The following MAPRE2 variants were observed in gnomAD, a reference collection of about 807,000 sequenced individuals.
MAPRE2 encodes microtubule-associated protein RP/EB family member 2.
In MAPRE2, 13 loss-of-function variants were observed where a neutral mutation model predicts 43.2. The observed-to-expected ratio is 0.30, with a 90% CI of 0.20 to 0.48. MAPRE2 has a LOEUF of 0.48. MAPRE2 is among the 20% of genes least tolerant of loss of function. MAPRE2 has a pLI of 0.99. For missense variants in MAPRE2, 161 were observed against 400.2 expected, an observed-to-expected ratio of 0.40 and a Z score of 5.10; for synonymous variants, 135 against 148.8, an observed-to-expected ratio of 0.91 and a Z score of 0.68.
intron 1 of MAPRE2, among the ~76,000 whole-genome samples, chr18:35,045,593 T>C (rs1219458526): frequency 2.6e-5 from 4 of 152,192 alleles, no homozygotes. Flanking sequence ...TATCGTAATA[T>C]TGTGCATGTG....
intron 4 of MAPRE2, among the ~76,000 whole-genome samples, chr18:35,104,330 T>G (rs888020009): frequency 2.0e-5 from 3 of 152,116 alleles, no homozygotes; most frequent in African/African-American, 7.2e-5. Context: ...GATTCAACCT[T>G]TAACAAATGT....
At chr18:35,135,597 C>T (rs1219932929) in intron 6 of MAPRE2, among the ~76,000 whole-genome samples, 4 of 152,184 alleles carry the variant, frequency 2.6e-5, no homozygotes, top group Non-Finnish European at 5.9e-5. Context: ...GGAAAAGCAA[C>T]GGTTTTGAAA....
chr18:35,005,262 A>G (rs1262318416), intron 1 of MAPRE2, among the ~76,000 whole-genome samples: 1 of 152,226 alleles, frequency 6.6e-6, no homozygotes, highest in Non-Finnish European at 1.5e-5. Context: ...ATTAATCAAT[A>G]TAAGAATTGA....
At chr18:35,093,808 C>T (rs548712998) in intron 2 of MAPRE2, among the ~76,000 whole-genome samples, 1 of 152,148 alleles carries the variant, frequency 6.6e-6, no homozygotes, top group South Asian at 2.1e-4. Flanking sequence ...TCAGTGGGTA[C>T]AAAGTTACAG....
chr18:35,081,396 C>CACAG (rs1907623542), intron 2 of MAPRE2, among the ~76,000 whole-genome samples: 1 of 152,150 alleles, frequency 6.6e-6, no homozygotes, highest in Non-Finnish European at 1.5e-5. Context: ...GAACAATATT[C>CACAG]TGTTAGTATC....
chr18:35,130,157 G>T (rs576005397), intron 5 of MAPRE2, among the ~76,000 whole-genome samples: 71 of 151,970 alleles, frequency 4.7e-4, no homozygotes, highest in Non-Finnish European at 8.1e-4. Context: ...GGCTGGGGGG[G>T]GGTGGCACAT....
At chr18:35,072,387 A>G (rs1350833749) in intron 2 of MAPRE2, among the ~76,000 whole-genome samples, 2 of 152,196 alleles carry the variant, frequency 1.3e-5, no homozygotes, top group Non-Finnish European at 2.9e-5. Flanking sequence ...AAGTGGGTAT[A>G]TGTGCATTTG....
chr18:35,131,501 T>A (rs1161560031), intron 5 of MAPRE2, among the ~76,000 whole-genome samples: 3 of 152,148 alleles, frequency 2.0e-5, no homozygotes, highest in African/African-American at 7.2e-5. Flanking sequence ...GATGGCACCT[T>A]CTCACTGTCT....
chr18:35,033,810 T>C (rs201374199), intron 2 of MAPRE2, among the ~76,000 whole-genome samples: 5,417 of 145,296 alleles, frequency 0.037, 236 homozygotes, highest in East Asian at 0.2. Flanking sequence ...TTACAAGGGA[T>C]GTGAAGGACC....
chr18:34,985,250 T>A (rs1233813225), intron 1 of MAPRE2, among the ~76,000 whole-genome samples: 2 of 53,528 alleles, frequency 3.7e-5, no homozygotes, highest in East Asian at 7.4e-4. Flanking sequence ...TAATATAAAA[T>A]ATATAATATA....
chr18:34,980,182 T>C (rs911172111), intron 1 of MAPRE2, among the ~76,000 whole-genome samples: 10 of 151,862 alleles, frequency 6.6e-5, no homozygotes, highest in African/African-American at 9.7e-5. Flanking sequence ...CACATCATCA[T>C]GCCCAGCTAA....
intron 3 of MAPRE2, among the ~76,000 whole-genome samples, chr18:35,100,069 G>A (rs893743530): frequency 1.3e-5 from 2 of 152,236 alleles, no homozygotes; most frequent in African/African-American, 4.8e-5. Flanking sequence ...AAAGCTGTGA[G>A]CTGTGTGCTT....
At chr18:35,046,983 T>C (rs1481555166) in intron 1 of MAPRE2, among the ~76,000 whole-genome samples, 1 of 152,170 alleles carries the variant, frequency 6.6e-6, no homozygotes, top group South Asian at 2.1e-4. Context: ...TCTGGTTCAT[T>C]ATGAAGCATC....
intron 2 of MAPRE2, among the ~76,000 whole-genome samples, chr18:35,031,881 T>A (rs535824364): frequency 1.4e-4 from 22 of 152,316 alleles, no homozygotes; most frequent in East Asian, 3.9e-4. Context: ...CAATTTTTTT[T>A]AAAATAAAAT....
intron 2 of MAPRE2, among the ~76,000 whole-genome samples, chr18:35,073,763 AT>A (rs1265246745): frequency 6.6e-6 from 1 of 152,196 alleles, no homozygotes; most frequent in Non-Finnish European, 1.5e-5. Flanking sequence ...ATTGCCTCAC[AT>A]TGGTGTTGTG....
intron 1 of MAPRE2, among the ~76,000 whole-genome samples, chr18:34,984,126 A>G (rs2097017794): frequency 6.6e-6 from 1 of 152,216 alleles, no homozygotes; most frequent in African/African-American, 2.4e-5. Flanking sequence ...TTCAAAATTC[A>G]TCTTAAATTA....
chr18:34,980,814 T>C (rs949774781), intron 1 of MAPRE2, among the ~76,000 whole-genome samples: 4 of 152,128 alleles, frequency 2.6e-5, no homozygotes, highest in African/African-American at 9.7e-5. Context: ...ACATATGAAT[T>C]TATTGAGCTA....
chr18:35,064,595 A>G (rs916447059), intron 1 of MAPRE2, among the ~76,000 whole-genome samples: 2 of 152,190 alleles, frequency 1.3e-5, no homozygotes, highest in African/African-American at 2.4e-5. Flanking sequence ...TTGTTCTTGA[A>G]CAAAATTGTT....
intron 3 of MAPRE2, among the ~76,000 whole-genome samples, chr18:35,099,639 A>G (rs906440205): frequency 6.6e-6 from 1 of 152,202 alleles, no homozygotes; most frequent in African/African-American, 2.4e-5. Context: ...AAAATTTTAA[A>G]GCAATTGAGT....
Sources: gnomAD v4.1 joint callset for allele counts (sites outside exome capture counted in the v4.1 genomes callset) on GRCh38, gnomAD v4.1.1 for gene constraint, MANE v1.5 for transcripts, NCBI Gene and HGNC (gene_info 2026-07-23, HGNC 2026-07-21) for gene names.